The following PLXNA4 variants were observed in gnomAD, a reference collection of about 807,000 sequenced individuals.
The protein encoded by PLXNA4 is plexin-A4.
PLXNA4 carries 44 observed loss-of-function variants against 191.8 expected under a neutral mutation model. The observed-to-expected ratio is 0.23, with a 90% CI of 0.18 to 0.29. The LOEUF (loss-of-function observed/expected upper bound fraction) is 0.29. Ranked by LOEUF, PLXNA4 falls within the 10% of genes least tolerant of loss-of-function variation. The pLI, the probability that PLXNA4 is intolerant of heterozygous loss-of-function variation, is 1.00. For missense variants in PLXNA4, 1,800 were observed against 2,488.8 expected (o/e 0.72, Z 5.89); for synonymous variants, 1,082 against 1,009.5 (o/e 1.07, Z -1.36).
chr7:132,287,960 G>T (rs992680030), intron 4 of PLXNA4, among the ~76,000 whole-genome samples: 1 of 152,176 alleles, frequency 6.6e-6, no homozygotes, highest in African/African-American at 2.4e-5. Context: ...GACTCCTTCT[G>T]CCTTCTATGG....
chr7:132,574,464 C>T (rs568791153), intron 1 of PLXNA4, among the ~76,000 whole-genome samples: 4 of 152,332 alleles, frequency 2.6e-5, no homozygotes, highest in South Asian at 2.1e-4. Context: ...TTCCACAGCC[C>T]GGAAGACAGA....
At chr7:132,566,168 A>G (rs577948284) in intron 1 of PLXNA4, among the ~76,000 whole-genome samples, 2 of 152,242 alleles carry the variant, frequency 1.3e-5, no homozygotes, top group South Asian at 2.1e-4. Context: ...CCGTGCCTGC[A>G]CCAAGCATGG....
chr7:132,636,651 A>G lies in PLXNA4; in HGVS notation c.-87+9277T>C, dbSNP rs138762226. Among the ~76,000 whole-genome samples the G allele has an allele frequency of 6.4e-4, 98 of 152,226 alleles. 1 individual carries two copies. The highest frequency in any genetic ancestry group is 2.2e-3 in the African/African-American group (91 of 41,546). On this transcript the variant is annotated intron_variant, in intron 2 of 4. Coordinates refer to the PLXNA4 transcript ENST00000378539. ...GCTCTGCTGTTGCCCTTCCAGATTC[A>G]CGTAAAGCCTTGGAAGGTCAGATTT... is the stretch of plus-strand genomic sequence containing the variant.
chr7:132,441,080 A>G (rs978417929), intron 3 of PLXNA4, among the ~76,000 whole-genome samples: 4 of 152,252 alleles, frequency 2.6e-5, no homozygotes, highest in African/African-American at 7.2e-5. Flanking sequence ...TTCCTCAAAT[A>G]TAATATAGGA....
intron 3 of PLXNA4, among the ~76,000 whole-genome samples, chr7:132,421,526 G>T (rs1794850138): frequency 6.6e-6 from 1 of 151,842 alleles, no homozygotes; most frequent in South Asian, 2.1e-4. Flanking sequence ...CTTTATTTAT[G>T]GCTGACATCC....
In PLXNA4 at chr7:132,449,533, T is replaced by C. The variant is rs10242022; in HGVS notation, c.1371+39759A>G. Among the ~76,000 whole-genome samples the C allele has an allele frequency of 9.9e-3, 1,514 of 152,310 alleles. 24 individuals are homozygous for C. The highest frequency in any genetic ancestry group is 0.035 in the African/African-American group (1,439 of 41,568). On this transcript the variant is annotated intron_variant, in intron 3 of 31. Coordinates refer to ENST00000321063, the MANE Select transcript of PLXNA4 (RefSeq NM_020911.2). ...CCCAAAGAGATGAACGGACAGATCC[T>C]GGTCACATGGCACCAGCTCTACTCC...
intron 3 of PLXNA4, among the ~76,000 whole-genome samples, chr7:132,460,887 T>C (rs753138112): frequency 6.6e-6 from 1 of 152,108 alleles, no homozygotes; most frequent in Non-Finnish European, 1.5e-5. Context: ...AGCCTCTCTT[T>C]GTAAGGCTGA....
chr7:132,619,305 G>A (rs73432841), intron 2 of PLXNA4, among the ~76,000 whole-genome samples: 5,280 of 152,060 alleles, frequency 0.035, 315 homozygotes, highest in African/African-American at 0.12. Context: ...ATTTTATATG[G>A]GGACAAGAAG....
intron 2 of PLXNA4, among the ~76,000 whole-genome samples, chr7:132,594,977 A>T (rs1298019085): frequency 4.5e-5 from 1 of 22,448 alleles, no homozygotes; most frequent in Non-Finnish European, 1.4e-4. Flanking sequence ...TTGATAGATA[A>T]TAGATAGATA....
chr7:132,470,637 A>G (rs1046755482), intron 3 of PLXNA4, among the ~76,000 whole-genome samples: 6 of 152,216 alleles, frequency 3.9e-5, no homozygotes, highest in African/African-American at 1.4e-4. Context: ...TGGACTATCC[A>G]GGTAGGCACA....
At chr7:132,509,097 A>G (rs904451427) in intron 1 of PLXNA4, among the ~76,000 whole-genome samples, 8 of 148,180 alleles carry the variant, frequency 5.4e-5, no homozygotes, top group Non-Finnish European at 1.5e-5. Context: ...GACACTGTCC[A>G]GCACTGTCAC....
At chr7:132,260,360 C>T (rs911958821) in intron 4 of PLXNA4, among the ~76,000 whole-genome samples, 3 of 152,124 alleles carry the variant, frequency 2.0e-5, no homozygotes, top group African/African-American at 4.8e-5. Flanking sequence ...TTTACAGCCA[C>T]GTGGATGCAA....
At chr7:132,343,884 T>C (rs1039713112) in intron 3 of PLXNA4, among the ~76,000 whole-genome samples, 1 of 152,084 alleles carries the variant, frequency 6.6e-6, no homozygotes, top group Non-Finnish European at 1.5e-5. Context: ...GTTACTTCAC[T>C]CCAGCCTAGG....
At chr7:132,439,588 C>A (rs1375005327) in intron 3 of PLXNA4, among the ~76,000 whole-genome samples, 1 of 152,128 alleles carries the variant, frequency 6.6e-6, no homozygotes, top group Non-Finnish European at 1.5e-5. Flanking sequence ...TGCTGGGGAT[C>A]TTTGTGGGAG....
intron 25 of PLXNA4, among the ~76,000 whole-genome samples, chr7:132,151,808 C>A (rs983855967): frequency 1.4e-4 from 22 of 152,084 alleles, no homozygotes; most frequent in Non-Finnish European, 2.4e-4. Flanking sequence ...CCCAGCTGAA[C>A]CCAGAATGGA....
chr7:132,439,425 A>G (rs1214237514), intron 3 of PLXNA4, among the ~76,000 whole-genome samples: 1 of 152,246 alleles, frequency 6.6e-6, no homozygotes, highest in Admixed American at 6.5e-5. Context: ...ACACACAGGT[A>G]CACATGGATA....
At chr7:132,515,122 A>G (rs1252997160) in intron 1 of PLXNA4, among the ~76,000 whole-genome samples, 1 of 151,936 alleles carries the variant, frequency 6.6e-6, no homozygotes, top group East Asian at 1.9e-4. Flanking sequence ...TAGGGATACT[A>G]GGGGAGAAAG....
intron 4 of PLXNA4, among the ~76,000 whole-genome samples, chr7:132,252,954 G>A (rs552612081): frequency 3.9e-5 from 6 of 152,108 alleles, no homozygotes; most frequent in Admixed American, 3.3e-4. Flanking sequence ...TATAAAAAGG[G>A]TATATTAAGA....
chr7:132,507,602 A>G lies in PLXNA4; in HGVS notation c.1092T>C (p.Asn364=). 6.2e-7 allele frequency: 1 copy of G among 1,614,136 alleles called. No individual in the cohort carries two copies. Among genetic ancestry groups the G allele is most frequent in the Non-Finnish European group, 8.5e-7 (1 of 1,180,036 alleles). The change falls in exon 2 of 32, where the codon AAT becomes AAC. Residue 364 remains asparagine (N), a synonymous_variant. Transcript: ENST00000321063. ...ALCIFILKQI[N]DRIKERLQSC... ...ACTGCAGCCGCTCCTTAATGCGGTCATTTATCTGCTTCAAGATGAAGATGC... is the reference window on the plus strand; with the variant it reads ...ACTGCAGCCGCTCCTTAATGCGGTCGTTTATCTGCTTCAAGATGAAGATGC...
Sources: allele counts gnomAD v4.1 joint callset (sites outside exome capture counted in the v4.1 genomes callset), GRCh38; gene constraint gnomAD v4.1.1; transcripts MANE v1.5; gene names NCBI Gene and HGNC (gene_info 2026-07-23, HGNC 2026-07-21).